CMSS1: variants seen among roughly 807,000 people sequenced by gnomAD.
CMSS1 encodes cms1 ribosomal small subunit homolog, also known as protein CMSS1.
A neutral mutation model predicts 43.5 loss-of-function variants in CMSS1; 33 were observed. The observed-to-expected ratio is 0.76, with a 90% CI of 0.57 to 1.01. The LOEUF (loss-of-function observed/expected upper bound fraction) is 1.01. Ranked by LOEUF, CMSS1 falls within the 50% of genes least tolerant of loss-of-function variation. The pLI, the probability that CMSS1 is intolerant of heterozygous loss-of-function variation, is 0.00. For missense variants in CMSS1, 313 were observed against 326.4 expected (o/e 0.96, Z 0.32); for synonymous variants, 115 against 117.2 (o/e 0.98, Z 0.12).
intron 1 of CMSS1, among the ~76,000 whole-genome samples, chr3:100,116,822 T>C (rs955605239): frequency 6.6e-6 from 1 of 152,204 alleles, no homozygotes; most frequent in Non-Finnish European, 1.5e-5. Flanking sequence ...TCATTGCCCC[T>C]GTGGGTAAGG....
intron 1 of CMSS1, among the ~76,000 whole-genome samples, chr3:99,933,779 C>T (rs1707567887): frequency 6.6e-6 from 1 of 152,162 alleles, no homozygotes; most frequent in African/African-American, 2.4e-5. Flanking sequence ...ATTCATGTCT[C>T]ACATGGCGTA....
At chr3:99,840,020 T>C (rs550510922) in intron 1 of CMSS1, among the ~76,000 whole-genome samples, 3 of 152,088 alleles carry the variant, frequency 2.0e-5, no homozygotes, top group Non-Finnish European at 4.4e-5. Flanking sequence ...CTGGAGATAT[T>C]ATTGTCACAG....
rs763047246 is a variant in CMSS1, at chr3:100,147,013, G to A, written c.105G>A (p.Met35Ile). The A allele has an allele frequency of 2.5e-6, 4 of 1,613,976 alleles. No individual in the cohort carries two copies. Among genetic ancestry groups the A allele is most frequent in the African/African-American group, 1.3e-5 (1 of 75,042 alleles). ...AAGGAGAAGGAGACACAGAAGTGATGCAGCAGGAGACAGTTCCAGTTCCTG... is the reference window on the plus strand; with the variant it reads ...AAGGAGAAGGAGACACAGAAGTGATACAGCAGGAGACAGTTCCAGTTCCTG... ...DGEGEGDTEVMQQETVPVPVP... is the reference protein window; with the variant it reads ...DGEGEGDTEVIQQETVPVPVP... The change falls in exon 2 of 10, where the codon ATG (methionine) becomes ATA (isoleucine). Residue 35 changes from methionine to isoleucine, a missense_variant. Coordinates refer to ENST00000421999, the MANE Select transcript of CMSS1 (RefSeq NM_032359.4).
chr3:99,895,984 C>A (rs1334580929), intron 1 of CMSS1, among the ~76,000 whole-genome samples: 1 of 152,132 alleles, frequency 6.6e-6, no homozygotes, highest in African/African-American at 2.4e-5. Flanking sequence ...ATGTGGCTCA[C>A]TGGAGGAGGG....
intron 1 of CMSS1, among the ~76,000 whole-genome samples, chr3:99,897,824 A>G (rs867830611): frequency 6.6e-6 from 1 of 152,226 alleles, no homozygotes; most frequent in Non-Finnish European, 1.5e-5. Flanking sequence ...CACTACAGAG[A>G]ATCTCCTATA....
At chr3:99,997,553 A>C (rs1709719227) in intron 1 of CMSS1, among the ~76,000 whole-genome samples, 2 of 152,186 alleles carry the variant, frequency 1.3e-5, no homozygotes, top group South Asian at 4.1e-4. Flanking sequence ...ATTTTGCCAG[A>C]GCCTGACTCA....
At chr3:100,028,885 G>A (rs2064974035) in intron 1 of CMSS1, among the ~76,000 whole-genome samples, 1 of 151,952 alleles carries the variant, frequency 6.6e-6, no homozygotes, top group African/African-American at 2.4e-5. Context: ...TTTTTACTGA[G>A]GTGTGTAACA....
At chr3:100,143,330 G>A (rs968485967) in intron 1 of CMSS1, among the ~76,000 whole-genome samples, 9 of 152,160 alleles carry the variant, frequency 5.9e-5, no homozygotes, top group East Asian at 1.9e-4. Flanking sequence ...TGGTAAGAGC[G>A]GACATCCTTG....
At chr3:99,846,205 A>T (rs1000801435) in intron 1 of CMSS1, among the ~76,000 whole-genome samples, 2 of 152,256 alleles carry the variant, frequency 1.3e-5, no homozygotes, top group Admixed American at 6.5e-5. Flanking sequence ...GGGTGATGGG[A>T]ATCCCTTGGC....
intron 1 of CMSS1, among the ~76,000 whole-genome samples, chr3:99,953,523 T>C (rs1708237958): frequency 6.6e-6 from 1 of 152,192 alleles, no homozygotes; most frequent in Non-Finnish European, 1.5e-5. Context: ...CTCTATTTCA[T>C]GCCACGTTGG....
At chr3:99,930,623 G>A (rs1289057038) in intron 1 of CMSS1, 3 of 818,346 alleles carry the variant, frequency 3.7e-6, no homozygotes, top group Middle Eastern at 3.7e-4. Context: ...TGGCAGAGGA[G>A]AATTCTTTGT....
chr3:100,069,936 G>A (rs2065733079), intron 1 of CMSS1, among the ~76,000 whole-genome samples: 2 of 152,112 alleles, frequency 1.3e-5, no homozygotes, highest in Admixed American at 1.3e-4. Context: ...GTTTGATAGG[G>A]TAATTCAAGT....
chr3:99,928,564 A>C (rs563195816), intron 1 of CMSS1, among the ~76,000 whole-genome samples: 1 of 152,218 alleles, frequency 6.6e-6, no homozygotes, highest in Non-Finnish European at 1.5e-5. Context: ...GGGTATTTCC[A>C]ATTTTGCATG....
intron 1 of CMSS1, among the ~76,000 whole-genome samples, chr3:99,959,606 A>C (rs1708435031): frequency 6.6e-6 from 1 of 152,196 alleles, no homozygotes; most frequent in African/African-American, 2.4e-5. Context: ...TAGCAGTCTG[A>C]TAAATTGAAT....
rs185862901 is a variant in CMSS1, at chr3:99,961,666, G to A, written c.64+143623G>A. Among the ~76,000 whole-genome samples the A allele has an allele frequency of 7.9e-5, 12 of 152,222 alleles. No homozygotes were observed. The East Asian group carries it at 2.3e-3, about 29-fold the overall frequency. ...TTTGGCCCTGGTGCCTCTTTTTGAA[G>A]CTACTTAGAATATTCTTTTATAAGT... On this transcript the variant is annotated intron_variant, in intron 1 of 9. Coordinates refer to ENST00000421999, the MANE Select transcript of CMSS1 (RefSeq NM_032359.4).
At chr3:100,125,154 C>T (rs945575713) in intron 1 of CMSS1, among the ~76,000 whole-genome samples, 1 of 152,168 alleles carries the variant, frequency 6.6e-6, no homozygotes, top group African/African-American at 2.4e-5. Context: ...TCTAGCCACA[C>T]CATTTATTCC....
At chr3:99,836,223 T>C (rs922521799) in intron 1 of CMSS1, among the ~76,000 whole-genome samples, 7 of 152,110 alleles carry the variant, frequency 4.6e-5, no homozygotes, top group African/African-American at 1.7e-4. Context: ...GGAGTAGTAG[T>C]ACAAATAAGT....
chr3:100,072,113 T>C (rs1339288543), intron 1 of CMSS1, among the ~76,000 whole-genome samples: 1 of 152,208 alleles, frequency 6.6e-6, no homozygotes, highest in Non-Finnish European at 1.5e-5. Flanking sequence ...ATCACCCACT[T>C]GAGCGTTACA....
chr3:99,887,777 C>G (rs1705955858), intron 1 of CMSS1, among the ~76,000 whole-genome samples: 1 of 152,176 alleles, frequency 6.6e-6, no homozygotes, highest in African/African-American at 2.4e-5. Context: ...TTCTGTCACC[C>G]AGGCTGGAGT....
Sources: allele counts gnomAD v4.1 joint callset (sites outside exome capture counted in the v4.1 genomes callset), GRCh38; gene constraint gnomAD v4.1.1; transcripts MANE v1.5; gene names NCBI Gene and HGNC (gene_info 2026-07-23, HGNC 2026-07-21).